Variants in MICU2 observed in about 807,000 individuals in gnomAD.
MICU2 encodes mitochondrial calcium uptake 2.
Under a neutral mutation model 60.4 loss-of-function variants are expected in MICU2, and 64 were observed. That is an observed-to-expected ratio of 1.06 (90% CI 0.87 to 1.31). The LOEUF (loss-of-function observed/expected upper bound fraction) is 1.31, where lower values mean the gene tolerates loss of function less well. Ranked by LOEUF, MICU2 falls within the 50% of genes most tolerant of loss-of-function variation. MICU2 has a pLI of 0.00. For synonymous variants in MICU2, 201 were observed against 175.0 expected, an observed-to-expected ratio of 1.15 and a Z score of -1.17; for missense variants, 569 against 531.0, an observed-to-expected ratio of 1.07 and a Z score of -0.70.
intron 8 of MICU2, among the ~76,000 whole-genome samples, chr13:21,507,170 T>C (rs903132983): frequency 6.6e-6 from 1 of 152,154 alleles, no homozygotes; most frequent in Non-Finnish European, 1.5e-5. Flanking sequence ...ATTAAAAAAA[T>C]TGCATGATGG....
chr13:21,520,516 T>A (rs919243528), intron 6 of MICU2, among the ~76,000 whole-genome samples: 2 of 152,232 alleles, frequency 1.3e-5, no homozygotes, highest in African/African-American at 4.8e-5. Flanking sequence ...CATTAATTCA[T>A]CAAGAGGGAT....
intron 2 of MICU2, among the ~76,000 whole-genome samples, chr13:21,559,690 A>G (rs1431110220): frequency 6.6e-6 from 1 of 151,924 alleles, no homozygotes; most frequent in African/African-American, 2.4e-5. Flanking sequence ...ATGCCTGGCT[A>G]ATTTTTCTAT....
chr13:21,503,294 C>T lies in MICU2; in HGVS notation c.762-197G>A, dbSNP rs548616617. On this transcript the variant is annotated intron_variant, in intron 8 of 11. Coordinates refer to ENST00000382374, the MANE Select transcript of MICU2 (RefSeq NM_152726.3). ...AGAAACTGATTAAGTCCAACACTGG[C>T]TTCCATCAGTAACTCTCTATACTCA... 1.3e-3 allele frequency among the ~76,000 whole-genome samples: 200 copies of T among 152,246 alleles called. 1 individual carries two copies. Among genetic ancestry groups the T allele is most frequent in the African/African-American group, 4.7e-3 (197 of 41,546 alleles).
At position 21,566,906 on chromosome 13, in the gene MICU2, C is replaced by G; in HGVS notation, c.249G>C (p.Pro83=). The G allele has an allele frequency of 6.2e-7, 1 of 1,609,252 alleles. No individual in the cohort carries two copies. Among genetic ancestry groups the G allele is most frequent in the Non-Finnish European group, 8.5e-7 (1 of 1,178,684 alleles). Residue 83 remains proline, a synonymous_variant, in exon 2 of 12, where the codon CCG becomes CCC. Transcript: ENST00000382374. The part of the protein sequence containing the change: ...VEHGIIYIGK[P]SLRKQRFMQF... ...GCATGAAGCGCTGCTTACGAAGAGACGGTTTCCCAATATATATTATTCCAT... is the reference window on the plus strand; with the variant it reads ...GCATGAAGCGCTGCTTACGAAGAGAGGGTTTCCCAATATATATTATTCCAT...
At chr13:21,496,483 C>T (rs1199943) in intron 9 of MICU2, 258,293 of 262,498 alleles carry the variant, frequency 0.98, 127,210 homozygotes, top group Middle Eastern at 1. Flanking sequence ...TGTTTTGAGG[C>T]GGCAGCTTGA....
At chr13:21,505,796 G>A (rs149370012) in intron 8 of MICU2, among the ~76,000 whole-genome samples, 246 of 152,066 alleles carry the variant, frequency 1.6e-3, no homozygotes, top group Non-Finnish European at 2.3e-3. Flanking sequence ...CCTGAATCTC[G>A]CCTCTTCAGT....
Position 21,539,692 on chromosome 13 carries a change from C to A in MICU2, c.359-4G>T. 6.2e-7 allele frequency: 1 copy of A among 1,613,672 alleles called. No homozygotes were observed. Among genetic ancestry groups the A allele is most frequent in the Non-Finnish European group, 8.5e-7 (1 of 1,179,664 alleles). Reference sequence around the variant, plus strand: ...AGCTTCTTGACTGAAGTTTTACCTACAACAAATAAGAAACATTATTTAGTA... The same window carrying A: ...AGCTTCTTGACTGAAGTTTTACCTAAAACAAATAAGAAACATTATTTAGTA... On this transcript the variant is annotated splice_region_variant and splice_polypyrimidine_tract_variant and intron_variant, in intron 2 of 11. Coordinates refer to ENST00000382374, the MANE Select transcript of MICU2 (RefSeq NM_152726.3).
At chr13:21,505,478 A>C (rs1397296189) in intron 8 of MICU2, among the ~76,000 whole-genome samples, 1 of 152,172 alleles carries the variant, frequency 6.6e-6, no homozygotes, top group Non-Finnish European at 1.5e-5. Flanking sequence ...ATAACAATAA[A>C]AGCACACCAA....
chr13:21,529,227 G>A (rs1886930109), intron 4 of MICU2, among the ~76,000 whole-genome samples: 1 of 152,206 alleles, frequency 6.6e-6, no homozygotes, highest in African/African-American at 2.4e-5. Context: ...CAAAGAGAGA[G>A]AGAAAGGGTT....
chr13:21,578,581 A>AGTGAG (rs1006152955), intron 1 of MICU2, among the ~76,000 whole-genome samples: 1 of 152,014 alleles, frequency 6.6e-6, no homozygotes, highest in Non-Finnish European at 1.5e-5. Flanking sequence ...TAGGTCACAG[A>AGTGAG]GTGAGACCAC....
intron 2 of MICU2, chr13:21,551,437 T>C (rs891241364): frequency 6.6e-6 from 1 of 152,186 alleles, no homozygotes; most frequent in Non-Finnish European, 1.5e-5. Context: ...AATTATTTTA[T>C]TTTTAAATTA....
chr13:21,526,890 C>T (rs753480422), intron 4 of MICU2, among the ~76,000 whole-genome samples: 6 of 152,134 alleles, frequency 3.9e-5, no homozygotes, highest in Non-Finnish European at 8.8e-5. Context: ...ATGTATTTAC[C>T]CTTCTGTGCA....
At chr13:21,498,898 T>C (rs1295564054) in intron 9 of MICU2, among the ~76,000 whole-genome samples, 2 of 152,096 alleles carry the variant, frequency 1.3e-5, no homozygotes, top group African/African-American at 4.8e-5. Flanking sequence ...AGGCACTGGA[T>C]GCAACTTTTT....
chr13:21,569,431 G>C (rs1336599428), intron 1 of MICU2, among the ~76,000 whole-genome samples: 1 of 151,996 alleles, frequency 6.6e-6, no homozygotes, highest in African/African-American at 2.4e-5. Context: ...ACTATCATCT[G>C]GAGGTCATCA....
At chr13:21,569,640 GTAT>G (rs962636599) in intron 1 of MICU2, among the ~76,000 whole-genome samples, 15 of 151,724 alleles carry the variant, frequency 9.9e-5, no homozygotes, top group Admixed American at 3.3e-4. Flanking sequence ...CAACTCTGTA[GTAT>G]TATAATATAC....
chr13:21,585,112 A>G (rs1888430055), intron 1 of MICU2, among the ~76,000 whole-genome samples: 2 of 152,350 alleles, frequency 1.3e-5, no homozygotes, highest in South Asian at 4.1e-4. Context: ...ACAACCTCTC[A>G]TTCATGCAGG....
intron 4 of MICU2, chr13:21,531,165 T>C: frequency 6.5e-6 from 6 of 927,270 alleles, no homozygotes; most frequent in Non-Finnish European, 1.8e-6. Flanking sequence ...AGAAAACCAC[T>C]GTGACAAAAA....
chr13:21,567,384 C>T (rs2138040813), intron 1 of MICU2, among the ~76,000 whole-genome samples: 1 of 152,086 alleles, frequency 6.6e-6, no homozygotes, highest in South Asian at 2.1e-4. Context: ...AGCACAAAGT[C>T]CATGAGGTGG....
chr13:21,554,889 C>T (rs1007576784), intron 2 of MICU2, among the ~76,000 whole-genome samples: 13 of 152,278 alleles, frequency 8.5e-5, no homozygotes, highest in Non-Finnish European at 1.5e-4. Flanking sequence ...ATACTATAAA[C>T]ACCTCTACGC....
Sources: gnomAD v4.1 joint callset for allele counts (sites outside exome capture counted in the v4.1 genomes callset) on GRCh38, gnomAD v4.1.1 for gene constraint, MANE v1.5 for transcripts, NCBI Gene and HGNC (gene_info 2026-07-23, HGNC 2026-07-21) for gene names.